IGSF11: variants seen among roughly 807,000 people sequenced by gnomAD.
IGSF11 encodes the protein immunoglobulin superfamily member 11.
IGSF11 carries 22 observed loss-of-function variants against 41.0 expected under a neutral mutation model. That is an observed-to-expected ratio of 0.54 (90% confidence interval 0.38 to 0.77). The LOEUF (loss-of-function observed/expected upper bound fraction) is 0.77, where lower values mean the gene tolerates loss of function less well. Ranked by LOEUF, IGSF11 falls within the 30% of genes least tolerant of loss-of-function variation. The pLI is 0.00. For synonymous variants in IGSF11, 219 were observed against 201.3 expected, an observed-to-expected ratio of 1.09 and a Z score of -0.74; for missense variants, 444 against 530.8, an observed-to-expected ratio of 0.84 and a Z score of 1.61.
intron 4 of IGSF11, among the ~76,000 whole-genome samples, chr3:118,914,045 T>C (rs1053510251): frequency 6.6e-6 from 1 of 152,106 alleles, no homozygotes; most frequent in Non-Finnish European, 1.5e-5. Flanking sequence ...ATTATTTGGA[T>C]AGAGAGTAGA....
chr3:119,066,939 T>C (rs1335426408), intron 1 of IGSF11, among the ~76,000 whole-genome samples: 1 of 152,356 alleles, frequency 6.6e-6, no homozygotes, highest in South Asian at 2.1e-4. Context: ...CCATTTTATC[T>C]ATGAGTCCAC....
chr3:119,080,241 G>A (rs76311665), intron 1 of IGSF11, among the ~76,000 whole-genome samples: 7,431 of 152,112 alleles, frequency 0.049, 225 homozygotes, highest in South Asian at 0.093. Flanking sequence ...CTTAGTAATG[G>A]AAGCTTTGAT....
At chr3:118,903,325 T>C (rs1489250210) in intron 6 of IGSF11, among the ~76,000 whole-genome samples, 1 of 151,876 alleles carries the variant, frequency 6.6e-6, no homozygotes, top group African/African-American at 2.4e-5. Context: ...TTGCTTTATA[T>C]ATATAGTAAA....
At chr3:119,020,071 G>A (rs186638646) in intron 1 of IGSF11, among the ~76,000 whole-genome samples, 1 of 152,268 alleles carries the variant, frequency 6.6e-6, no homozygotes, top group East Asian at 1.9e-4. Flanking sequence ...GCTCTTGCTA[G>A]ACACTAAATC....
intron 1 of IGSF11, among the ~76,000 whole-genome samples, chr3:118,999,006 T>C (rs1229547926): frequency 6.6e-6 from 1 of 151,892 alleles, no homozygotes; most frequent in Admixed American, 6.6e-5. Context: ...AATAAGGAAA[T>C]GGGTATAACT....
At position 119,034,740 on chromosome 3, in the gene IGSF11, A is replaced by G; in HGVS notation, c.-158T>C. 1 of 1,336,006 alleles carries G rather than the reference A, an allele frequency of 7.5e-7. No homozygotes were observed. Among genetic ancestry groups the G allele is most frequent in the Non-Finnish European group, 9.6e-7 (1 of 1,040,662 alleles). 82.8% of individuals were successfully genotyped at this position (1,336,006 alleles called of 1,614,324 possible). A position where few individuals can be genotyped will look rare whatever the true frequency, so the allele number is the denominator to read the frequency against. On this transcript the variant is annotated 5_prime_UTR_variant, in exon 1 of 7. Transcript: ENST00000393775. ...GCAGAGCTGGGACTGTCAGACCCAC[A>G]GACGAGCCAAGTGCAGCTGCAGCGC...
At chr3:119,122,896 A>T (rs1291389094) in intron 1 of IGSF11, among the ~76,000 whole-genome samples, 6 of 152,236 alleles carry the variant, frequency 3.9e-5, no homozygotes, top group Admixed American at 3.9e-4. Flanking sequence ...TGCTGGCTTC[A>T]GGCGAGACAC....
rs968191344 is a variant in IGSF11, at chr3:118,901,440, C to T, written c.*1080G>A. On this transcript the variant is annotated 3_prime_UTR_variant, in exon 7 of 7. Coordinates refer to ENST00000393775, the MANE Select transcript of IGSF11 (RefSeq NM_001015887.3). ...TGAAAAACGAAACAGAACAAAAAAACGTCTGCCCTCCCTGACAAGTAAGTT... is the reference window on the plus strand; with the variant it reads ...TGAAAAACGAAACAGAACAAAAAAATGTCTGCCCTCCCTGACAAGTAAGTT... The T allele has an allele frequency of 4.2e-5, 6 of 142,984 alleles. No individual in the cohort carries two copies. The highest frequency in any genetic ancestry group is 1.1e-4 in the African/African-American group (4 of 35,722). 8.9% of individuals were successfully genotyped at this position (142,984 alleles called of 1,614,324 possible). A position where few individuals can be genotyped will look rare whatever the true frequency, so the allele number is the denominator to read the frequency against.
chr3:119,029,441 G>C (rs1940188257), intron 1 of IGSF11, among the ~76,000 whole-genome samples: 1 of 152,156 alleles, frequency 6.6e-6, no homozygotes, highest in African/African-American at 2.4e-5. Flanking sequence ...TGATTTCTGT[G>C]TCTGCCTGGT....
At chr3:119,049,478 G>A (rs1013422006) in intron 1 of IGSF11, among the ~76,000 whole-genome samples, 4 of 152,206 alleles carry the variant, frequency 2.6e-5, no homozygotes, top group Non-Finnish European at 4.4e-5. Context: ...ACTACAAACC[G>A]CTGTTCAAGG....
chr3:119,068,934 T>TC (rs1237606614), intron 1 of IGSF11, among the ~76,000 whole-genome samples: 17 of 145,374 alleles, frequency 1.2e-4, no homozygotes, highest in African/African-American at 3.8e-4. Flanking sequence ...TTTCTTTTTT[T>TC]TTTTTTTTTT....
chr3:119,042,355 G>A (rs1385227221), intron 1 of IGSF11, among the ~76,000 whole-genome samples: 1 of 152,224 alleles, frequency 6.6e-6, no homozygotes, highest in African/African-American at 2.4e-5. Context: ...TTTCTCAGCA[G>A]GGAGGGTTGT....
chr3:119,051,053 G>A (rs1033928698), intron 1 of IGSF11, among the ~76,000 whole-genome samples: 2 of 151,104 alleles, frequency 1.3e-5, no homozygotes, highest in Non-Finnish European at 2.9e-5. Flanking sequence ...GCTAGATGAC[G>A]AGTTAGTGGG....
Position 119,056,187 on chromosome 3 carries a change from G to A in IGSF11, c.49+48957C>T, listed in dbSNP as rs150987226. ...AAAAAATTAATGAATCCAGGAGCTG[G>A]TTTTTTGAAAAGATCAACAAAATTG... On this transcript the variant is annotated intron_variant, in intron 1 of 6. Transcript: ENST00000354673. Among the ~76,000 whole-genome samples the A allele has an allele frequency of 6.3e-3, 957 of 152,170 alleles. 4 individuals carry two copies. The highest frequency in any genetic ancestry group is 0.017 in the Middle Eastern group (5 of 294).
chr3:119,032,313 T>C (rs1210555971), intron 1 of IGSF11, among the ~76,000 whole-genome samples: 1 of 152,200 alleles, frequency 6.6e-6, no homozygotes, highest in East Asian at 1.9e-4. Flanking sequence ...CCATAATTCA[T>C]TCAAACCAAG....
chr3:118,906,275 G>C (rs1490145015), intron 4 of IGSF11, among the ~76,000 whole-genome samples: 1 of 152,168 alleles, frequency 6.6e-6, no homozygotes, highest in Admixed American at 6.5e-5. Context: ...GGAAATGTGA[G>C]AGGAAGCTGC....
chr3:118,942,565 T>A (rs1943779648), intron 1 of IGSF11, among the ~76,000 whole-genome samples: 1 of 152,334 alleles, frequency 6.6e-6, no homozygotes, highest in Non-Finnish European at 1.5e-5. Flanking sequence ...TAAGTTCTCA[T>A]TTCTAACACT....
upstream of IGSF11, among the ~76,000 whole-genome samples, chr3:119,107,414 A>G (rs974582699): frequency 4.6e-5 from 7 of 152,102 alleles, no homozygotes; most frequent in African/African-American, 1.7e-4. Flanking sequence ...CATATCCTTC[A>G]CCCACTTTTT....
chr3:119,046,085 G>A (rs563708504), intron 1 of IGSF11, among the ~76,000 whole-genome samples: 2,127 of 151,478 alleles, frequency 0.014, 48 homozygotes, highest in African/African-American at 0.049. Context: ...AAATCAGAGC[G>A]CCTCTCCACC....
Sources: allele counts gnomAD v4.1 joint callset (sites outside exome capture counted in the v4.1 genomes callset), GRCh38; gene constraint gnomAD v4.1.1; transcripts MANE v1.5; gene names NCBI Gene and HGNC (gene_info 2026-07-23, HGNC 2026-07-21).